Variants in KCNJ3 observed in about 807,000 individuals in gnomAD.
The protein encoded by KCNJ3 is G protein-activated inward rectifier potassium channel 1.
In KCNJ3, 4 loss-of-function variants were observed where a neutral mutation model predicts 39.2. The ratio of observed to expected loss-of-function variants is 0.10; its 90% CI spans 0.05 to 0.23. The LOEUF (loss-of-function observed/expected upper bound fraction) is 0.23, where lower values mean the gene tolerates loss of function less well. Ranked by LOEUF, KCNJ3 falls within the 10% of genes least tolerant of loss-of-function variation. The pLI is 1.00. For missense variants in KCNJ3, 276 were observed against 634.9 expected, an observed-to-expected ratio of 0.43 and a Z score of 6.08; for synonymous variants, 230 against 237.4, an observed-to-expected ratio of 0.97 and a Z score of 0.29.
intron 2 of KCNJ3, among the ~76,000 whole-genome samples, chr2:154,717,800 A>G (rs1224768767): frequency 6.6e-6 from 1 of 152,176 alleles, no homozygotes; most frequent in Non-Finnish European, 1.5e-5. Context: ...TCTCTTAATG[A>G]TTTGACAATG....
intron 2 of KCNJ3, among the ~76,000 whole-genome samples, chr2:154,733,672 G>A (rs1685480408): frequency 6.6e-6 from 1 of 152,182 alleles, no homozygotes; most frequent in Non-Finnish European, 1.5e-5. Flanking sequence ...ATAAGGAGGT[G>A]CTAGATACAT....
intron 2 of KCNJ3, among the ~76,000 whole-genome samples, chr2:154,757,855 G>A (rs1685969370): frequency 6.6e-6 from 1 of 152,054 alleles, no homozygotes; most frequent in Non-Finnish European, 1.5e-5. Flanking sequence ...TTTTATAAGG[G>A]TACTAATCCC....
At chr2:154,773,732 T>C (rs1355247906) in intron 2 of KCNJ3, among the ~76,000 whole-genome samples, 1 of 152,202 alleles carries the variant, frequency 6.6e-6, no homozygotes, top group Non-Finnish European at 1.5e-5. Flanking sequence ...TCAGAAGTTT[T>C]GAAGGGTTAT....
chr2:154,765,840 A>G (rs777079453), intron 2 of KCNJ3, among the ~76,000 whole-genome samples: 2 of 152,194 alleles, frequency 1.3e-5, no homozygotes, highest in Non-Finnish European at 2.9e-5. Flanking sequence ...TTTCAATGTC[A>G]TATCTTTGCA....
chr2:154,728,587 T>G (rs976547672), intron 2 of KCNJ3, among the ~76,000 whole-genome samples: 4 of 152,194 alleles, frequency 2.6e-5, no homozygotes, highest in Non-Finnish European at 5.9e-5. Context: ...AAATTCAATA[T>G]CCACAATATC....
rs73968722 is a variant in KCNJ3 at position 154,745,892 on chromosome 2, G to A, written c.919+36073G>A. ...TAGAAGTTCAGATTCCCACTCAGCC[G>A]TCATTGATATCCTAGCTTTCTTACT... On this transcript the variant is annotated intron_variant, in intron 2 of 2. Transcript: ENST00000295101. 7.7e-3 allele frequency among the ~76,000 whole-genome samples: 1,173 copies of A among 151,880 alleles called. 16 individuals carry two copies. Among genetic ancestry groups the A allele is most frequent in the African/African-American group, 0.027 (1,120 of 41,416 alleles).
At chr2:154,760,818 G>T (rs1345813357) in intron 2 of KCNJ3, among the ~76,000 whole-genome samples, 2 of 142,594 alleles carry the variant, frequency 1.4e-5, no homozygotes, top group Non-Finnish European at 3.0e-5. Context: ...CTCACTGCAA[G>T]TTCCGCCTCC....
At chr2:154,762,788 CTT>C (rs1176257242) in intron 2 of KCNJ3, among the ~76,000 whole-genome samples, 1 of 152,100 alleles carries the variant, frequency 6.6e-6, no homozygotes, top group Admixed American at 6.6e-5. Context: ...ATGTGAGACT[CTT>C]TTAACTGTTG....
At chr2:154,745,684 G>A (rs1432944465) in intron 2 of KCNJ3, among the ~76,000 whole-genome samples, 2 of 151,758 alleles carry the variant, frequency 1.3e-5, no homozygotes, top group Admixed American at 1.3e-4. Flanking sequence ...TCTTCATTTG[G>A]CCATCTATTG....
rs370580892 is a variant in KCNJ3, at chr2:154,709,845, A to T, written c.919+26A>T. The T allele has an allele frequency of 1.0e-4, 167 of 1,611,612 alleles. No individual in the cohort carries two copies. The East Asian group carries it at 3.1e-3, about 30-fold the overall frequency. On this transcript the variant is annotated intron_variant, in intron 2 of 2. Coordinates refer to ENST00000295101, the MANE Select transcript of KCNJ3 (RefSeq NM_002239.4). ...GTGAGTAAAAACAGATATGCCATAA[A>T]GTTTCTTTATACCATAATGACATTA... is the stretch of plus-strand genomic sequence containing the variant.
intron 2 of KCNJ3, among the ~76,000 whole-genome samples, chr2:154,720,678 C>T (rs937995297): frequency 2.6e-5 from 4 of 152,012 alleles, no homozygotes; most frequent in Non-Finnish European, 1.5e-5. Context: ...AATTTTCTCC[C>T]AAACACACAT....
intron 2 of KCNJ3, among the ~76,000 whole-genome samples, chr2:154,835,261 T>G (rs1339761460): frequency 1.3e-5 from 2 of 151,890 alleles, no homozygotes; most frequent in African/African-American, 2.4e-5. Context: ...AATTGGAATA[T>G]TACCTTGTTA....
At position 154,780,396 on chromosome 2, in the gene KCNJ3, C is replaced by A. The variant is rs115697555; in HGVS notation, c.919+70577C>A. On this transcript the variant is annotated intron_variant, in intron 2 of 2. Transcript: ENST00000295101. ...ATCTTATAGGTGATGGAGAACGATG[C>A]AACAATTTTAAGCAAAGAGGACATG... 2.8e-3 allele frequency among the ~76,000 whole-genome samples: 424 copies of A among 152,158 alleles called. 2 individuals carry two copies. The highest frequency in any genetic ancestry group is 9.9e-3 in the African/African-American group (410 of 41,482).
intron 2 of KCNJ3, among the ~76,000 whole-genome samples, chr2:154,768,771 C>G (rs535000336): frequency 6.6e-6 from 1 of 152,106 alleles, no homozygotes; most frequent in Non-Finnish European, 1.5e-5. Context: ...TATAAATTAC[C>G]TCAGGAACTA....
chr2:154,738,183 A>G (rs2105172861), intron 2 of KCNJ3, among the ~76,000 whole-genome samples: 1 of 152,190 alleles, frequency 6.6e-6, no homozygotes, highest in South Asian at 2.1e-4. Context: ...AGAAAGACAA[A>G]CATTGCATGT....
At chr2:154,760,528 G>T (rs1686018453) in intron 2 of KCNJ3, among the ~76,000 whole-genome samples, 4 of 151,726 alleles carry the variant, frequency 2.6e-5, no homozygotes, top group Admixed American at 2.6e-4. Context: ...CAAATGTTGT[G>T]AAGTTTTGCT....
chr2:154,760,621 G>A (rs114194991), intron 2 of KCNJ3, among the ~76,000 whole-genome samples: 4 of 151,576 alleles, frequency 2.6e-5, no homozygotes, highest in African/African-American at 9.7e-5. Flanking sequence ...TGGTATAATC[G>A]TGGTCTGGTG....
chr2:154,787,002 A>C (rs16838161), intron 2 of KCNJ3, among the ~76,000 whole-genome samples: 23,493 of 152,100 alleles, frequency 0.15, 1,916 homozygotes, highest in East Asian at 0.33. Context: ...TGAAGTGGGA[A>C]TATGCTGTTA....
intron 2 of KCNJ3, among the ~76,000 whole-genome samples, chr2:154,734,864 T>C (rs1274411707): frequency 6.6e-6 from 1 of 152,216 alleles, no homozygotes; most frequent in East Asian, 1.9e-4. Context: ...AGAAGTTACC[T>C]GAACGGCTGA....
Sources: gnomAD v4.1 joint callset for allele counts (sites outside exome capture counted in the v4.1 genomes callset) on GRCh38, gnomAD v4.1.1 for gene constraint, MANE v1.5 for transcripts, NCBI Gene and HGNC (gene_info 2026-07-23, HGNC 2026-07-21) for gene names.